The following MYOF variants were observed in gnomAD, a reference collection of about 807,000 sequenced individuals.
The protein encoded by MYOF is fer-1-like 3, myoferlin.
A neutral mutation model predicts 284.2 loss-of-function variants in MYOF; 244 were observed. The ratio of observed to expected loss-of-function variants is 0.86; its 90% CI spans 0.77 to 0.95. The LOEUF (loss-of-function observed/expected upper bound fraction) is 0.95. MYOF is among the 40% of genes least tolerant of loss of function. MYOF has a pLI of 0.00. For missense variants in MYOF, 2,496 were observed against 2,560.6 expected (o/e 0.97, Z 0.54); for synonymous variants, 904 against 919.7 (o/e 0.98, Z 0.31).
chr10:93,312,005 A>G (rs1451250547), intron 51 of MYOF, among the ~76,000 whole-genome samples: 1 of 152,156 alleles, frequency 6.6e-6, no homozygotes, highest in African/African-American at 2.4e-5. Context: ...AAGGTTCTGG[A>G]TCTTGATTAT....
chr10:93,430,546 C>G (rs920080068), intron 4 of MYOF, among the ~76,000 whole-genome samples: 2 of 150,458 alleles, frequency 1.3e-5, no homozygotes, highest in African/African-American at 4.9e-5. Flanking sequence ...CATGCCACTG[C>G]CCTCCAGCCT....
intron 3 of MYOF, among the ~76,000 whole-genome samples, chr10:93,434,430 CAA>C (rs71031508): frequency 0.07 from 8,753 of 124,402 alleles, 632 homozygotes; most frequent in African/African-American, 0.19. Context: ...GACCCTGTCT[CAA>C]AAAAAAAAAA....
chr10:93,306,769 TAAC>T lies in MYOF; in HGVS notation c.*191_*193del. The T allele has an allele frequency of 4.9e-6, 3 of 607,164 alleles. No individual in the cohort carries two copies. In the South Asian group the frequency reaches 6.6e-5, roughly 13 times the overall value. The allele number at this position is 607,164 out of a possible 1,614,324, so 37.6% of individuals were successfully genotyped here. A position where few individuals can be genotyped will look rare whatever the true frequency, so the allele number is the denominator to read the frequency against. On this transcript the variant is annotated 3_prime_UTR_variant, in exon 54 of 54. Transcript: ENST00000359263. ...AATAAAACTTTTAATACTTAAGAGATAACATGATGCAAACGTTGCTTGTTGGCC... is the reference window on the plus strand; with the variant it reads ...AATAAAACTTTTAATACTTAAGAGATATGATGCAAACGTTGCTTGTTGGCC...
chr10:93,369,856 G>A lies in MYOF; in HGVS notation c.2458-80C>T, dbSNP rs944133137. ...CATTAAGTTAAAGCCAAAAACAGAGGGAACATCTAATCATTGCTTTCACCA... is the reference window on the plus strand; with the variant it reads ...CATTAAGTTAAAGCCAAAAACAGAGAGAACATCTAATCATTGCTTTCACCA... On this transcript the variant is annotated intron_variant, in intron 24 of 53. Transcript: ENST00000359263. 8.4e-6 allele frequency: 13 copies of A among 1,543,140 alleles called. No individual in the cohort carries two copies. The African/African-American group carries it at 1.5e-4, about 18-fold the overall frequency.
At chr10:93,398,148 T>C (rs1847111843) in intron 13 of MYOF, among the ~76,000 whole-genome samples, 1 of 152,160 alleles carries the variant, frequency 6.6e-6, no homozygotes, top group Admixed American at 6.5e-5. Flanking sequence ...ACTGACCTCC[T>C]AGTTTTCCCC....
intron 29 of MYOF, among the ~76,000 whole-genome samples, chr10:93,357,509 G>C (rs1244782931): frequency 6.6e-6 from 1 of 152,158 alleles, no homozygotes; most frequent in East Asian, 1.9e-4. Flanking sequence ...AAGAGATAGG[G>C]TCTTTGCTTT....
At chr10:93,318,484 C>A (rs1161875454) in intron 49 of MYOF, among the ~76,000 whole-genome samples, 1 of 152,030 alleles carries the variant, frequency 6.6e-6, no homozygotes, top group Non-Finnish European at 1.5e-5. Flanking sequence ...GCTGGCTGGG[C>A]ACGGTGGCTC....
intron 43 of MYOF, among the ~76,000 whole-genome samples, chr10:93,330,234 C>T (rs1243361130): frequency 6.6e-6 from 1 of 151,822 alleles, no homozygotes; most frequent in Non-Finnish European, 1.5e-5. Context: ...ATGAGTGCAT[C>T]GCTCCAATGC....
At chr10:93,480,072 A>G (rs1458594379) in intron 1 of MYOF, among the ~76,000 whole-genome samples, 2 of 152,350 alleles carry the variant, frequency 1.3e-5, no homozygotes, top group Middle Eastern at 3.4e-3. Flanking sequence ...GACTGATCCA[A>G]ATATATTTTA....
intron 5 of MYOF, among the ~76,000 whole-genome samples, chr10:93,420,804 C>A (rs1205605079): frequency 6.6e-6 from 1 of 152,084 alleles, no homozygotes; most frequent in Non-Finnish European, 1.5e-5. Context: ...GCAGATATTT[C>A]TTTTTTGCTC....
intron 29 of MYOF, among the ~76,000 whole-genome samples, chr10:93,359,400 C>T (rs1273657069): frequency 6.6e-6 from 1 of 152,132 alleles, no homozygotes; most frequent in African/African-American, 2.4e-5. Context: ...AATTAAAAGG[C>T]ATAGATATTA....
At position 93,389,025 on chromosome 10, in the gene MYOF, C is replaced by T; in HGVS notation, c.1581+5G>A. On this transcript the variant is annotated splice_donor_5th_base_variant and intron_variant, in intron 18 of 53. Transcript: ENST00000359263. The stretch of plus-strand genomic sequence containing the variant: ...ATTAATAACCACCTTAATTGAGAAA[C>T]CAACCTTTCCAGTATTCAGCTCATC... 1.2e-6 allele frequency: 2 copies of T among 1,610,730 alleles called. No homozygotes were observed. Among genetic ancestry groups the T allele is most frequent in the Non-Finnish European group, 1.7e-6 (2 of 1,179,038 alleles).
chr10:93,404,151 C>T lies in MYOF; in HGVS notation c.792+6G>A, dbSNP rs756745802. 2 of 1,614,058 alleles carry T rather than the reference C, an allele frequency of 1.2e-6. No individual in the cohort carries two copies. Among genetic ancestry groups the T allele is most frequent in the Non-Finnish European group, 1.7e-6 (2 of 1,180,002 alleles). ...GAGCAGTACCTTCCTACTTGCTGAC[C>T]CTTACCCGGATGCTGATGATCTCAT... On this transcript the variant is annotated splice_donor_region_variant and intron_variant, in intron 8 of 53. Transcript: ENST00000359263.
chr10:93,439,727 C>T (rs7905771), intron 3 of MYOF, among the ~76,000 whole-genome samples: 2,343 of 152,214 alleles, frequency 0.015, 69 homozygotes, highest in African/African-American at 0.053. Flanking sequence ...TAACAGTCAC[C>T]TTGTATTATT....
At chr10:93,482,044 G>C in intron 1 of MYOF, 63 bp downstream of exon 1, 3 of 1,459,866 alleles carry the variant, frequency 2.1e-6, no homozygotes, top group Non-Finnish European at 2.9e-6. Context: ...TTTTCAAGAA[G>C]GTGACTCAAG....
chr10:93,389,152 T>A lies in MYOF; in HGVS notation c.1459A>T (p.Asn487Tyr), dbSNP rs749383351. ...AAGCCTACCTCTGTTTCTCCTGTGTTTACTGAGAGAGAAACATCATCATGA... is the reference window on the plus strand; with the variant it reads ...AAGCCTACCTCTGTTTCTCCTGTGTATACTGAGAGAGAAACATCATCATGA... ...SGTGAASYTV[N>Y]TGETEVGFVP... is the part of the protein sequence containing the mutation. Residue 487 changes from asparagine (N) to tyrosine (Y), a missense_variant and splice_region_variant, in exon 18 of 54, where the codon AAC (asparagine) becomes TAC (tyrosine). Asn to Tyr is a moderately radical substitution (Grantham distance 143). Around this residue, in one of 3 missense-constraint regions of MYOF, gnomAD observed 2,436 missense variants for 2,480.7 expected, o/e 0.98. Transcript: ENST00000359263. 13 of 1,612,528 alleles carry A rather than the reference T, an allele frequency of 8.1e-6. No individual in the cohort carries two copies. The highest frequency in any genetic ancestry group is 1.6e-4 in the Middle Eastern group (1 of 6,078).
chr10:93,390,262 G>A (rs112618460), intron 17 of MYOF, among the ~76,000 whole-genome samples: 8 of 152,130 alleles, frequency 5.3e-5, no homozygotes, highest in Non-Finnish European at 1.0e-4. Flanking sequence ...TTTTCATTAC[G>A]TGAAGCTCTC....
At chr10:93,393,658 C>T (rs1011730237) in intron 16 of MYOF, among the ~76,000 whole-genome samples, 1 of 152,150 alleles carries the variant, frequency 6.6e-6, no homozygotes, top group African/African-American at 2.4e-5. Context: ...CTTTACCCTC[C>T]CCCCATATAG....
At chr10:93,392,819 A>C (rs1462959621) in intron 17 of MYOF, 98 bp downstream of exon 17, 62 of 1,162,018 alleles carry the variant, frequency 5.3e-5, no homozygotes, top group Non-Finnish European at 1.3e-6. Flanking sequence ...TGAGACAGCA[A>C]AATGTCAAAA....
Sources: allele counts gnomAD v4.1 joint callset (sites outside exome capture counted in the v4.1 genomes callset), GRCh38; gene constraint gnomAD v4.1.1; regional missense constraint gnomAD v4.1.1; transcripts MANE v1.5; gene names NCBI Gene and HGNC (gene_info 2026-07-23, HGNC 2026-07-21).